The following CDH4 variants were observed in gnomAD, a reference collection of about 807,000 sequenced individuals.
CDH4 encodes cadherin 4, also known as cadherin-4.
Under a neutral mutation model 86.0 loss-of-function variants are expected in CDH4, and 33 were observed. The ratio of observed to expected loss-of-function variants is 0.38; its 90% CI spans 0.29 to 0.51. CDH4 has a LOEUF of 0.51. CDH4 is among the 20% of genes least tolerant of loss of function. CDH4 has a pLI of 0.86. For missense variants in CDH4, 1,114 were observed against 1,307.4 expected, an observed-to-expected ratio of 0.85 and a Z score of 2.28; for synonymous variants, 555 against 549.4, an observed-to-expected ratio of 1.01 and a Z score of -0.14.
At chr20:61,693,884 C>CTTTTTTTTTTTTT (rs11479778) in intron 2 of CDH4, among the ~76,000 whole-genome samples, 2 of 82,700 alleles carry the variant, frequency 2.4e-5, no homozygotes, top group Non-Finnish European at 2.2e-5. Context: ...CTCTTTCTTT[C>CTTTTTTTTTTTTT]TTTTTTTTTT....
intron 2 of CDH4, among the ~76,000 whole-genome samples, chr20:61,613,860 G>T (rs1466807520): frequency 6.6e-6 from 1 of 151,878 alleles, no homozygotes; most frequent in Non-Finnish European, 1.5e-5. Flanking sequence ...GTGGGAGGGG[G>T]GGCTTTGGGG....
At chr20:61,453,848 G>C (rs942780540) in intron 2 of CDH4, among the ~76,000 whole-genome samples, 1 of 152,206 alleles carries the variant, frequency 6.6e-6, no homozygotes, top group Non-Finnish European at 1.5e-5. Context: ...CATGGGGGCA[G>C]TGACCCTCAT....
intron 2 of CDH4, among the ~76,000 whole-genome samples, chr20:61,618,529 G>A (rs551526356): frequency 6.6e-6 from 1 of 152,188 alleles, no homozygotes; most frequent in Non-Finnish European, 1.5e-5. Context: ...GTTGCTGCCT[G>A]GGAATGGGAC....
chr20:61,426,861 A>G (rs947886578), intron 2 of CDH4, among the ~76,000 whole-genome samples: 9 of 152,200 alleles, frequency 5.9e-5, no homozygotes, highest in Non-Finnish European at 1.0e-4. Context: ...CAAAATGAAG[A>G]TGTTCTTCTA....
intron 2 of CDH4, among the ~76,000 whole-genome samples, chr20:61,296,839 G>A (rs1193828997): frequency 6.6e-6 from 1 of 152,144 alleles, no homozygotes; most frequent in Non-Finnish European, 1.5e-5. Flanking sequence ...TGGGCAGGTG[G>A]CGTCAGGTGG....
chr20:61,397,838 G>T (rs1220673897), intron 2 of CDH4, among the ~76,000 whole-genome samples: 1 of 152,174 alleles, frequency 6.6e-6, no homozygotes, highest in Non-Finnish European at 1.5e-5. Flanking sequence ...ATTCCCATGT[G>T]CCCTGAAGTC....
intron 2 of CDH4, among the ~76,000 whole-genome samples, chr20:61,440,986 G>A (rs1013970973): frequency 4.6e-5 from 7 of 152,216 alleles, no homozygotes; most frequent in East Asian, 1.9e-4. Context: ...GATCTGAGCC[G>A]GAAGTTTCTT....
intron 2 of CDH4, among the ~76,000 whole-genome samples, chr20:61,547,171 G>GT (rs1347109506): frequency 7.0e-6 from 1 of 143,140 alleles, no homozygotes; most frequent in Non-Finnish European, 1.5e-5. Flanking sequence ...ACTGGATTCA[G>GT]TCTCTCACAT....
At chr20:61,307,681 A>C (rs989198375) in intron 2 of CDH4, among the ~76,000 whole-genome samples, 1 of 152,200 alleles carries the variant, frequency 6.6e-6, no homozygotes, top group Non-Finnish European at 1.5e-5. Flanking sequence ...GGGAAACTAC[A>C]TCAGGAAGAG....
At chr20:61,293,694 G>A (rs2084335895) in intron 2 of CDH4, among the ~76,000 whole-genome samples, 1 of 152,328 alleles carries the variant, frequency 6.6e-6, no homozygotes, top group Non-Finnish European at 1.5e-5. Flanking sequence ...AATGAGCACA[G>A]CACCTCTTGG....
chr20:61,668,132 C>T (rs188189326), intron 2 of CDH4, among the ~76,000 whole-genome samples: 1 of 152,210 alleles, frequency 6.6e-6, no homozygotes, highest in African/African-American at 2.4e-5. Context: ...GAAGAAAAGC[C>T]CTATTCTCCT....
intron 2 of CDH4, among the ~76,000 whole-genome samples, chr20:61,390,990 T>C (rs2084982223): frequency 6.6e-6 from 1 of 152,228 alleles, no homozygotes; most frequent in Non-Finnish European, 1.5e-5. Flanking sequence ...AAAGAGATAT[T>C]CTTCACTAAT....
chr20:61,385,774 G>A (rs2084947549), intron 2 of CDH4, among the ~76,000 whole-genome samples: 1 of 152,134 alleles, frequency 6.6e-6, no homozygotes, highest in African/African-American at 2.4e-5. Context: ...TCTCTTCGTG[G>A]GAGAAGCCGT....
chr20:61,782,012 A>G (rs1378191193), intron 4 of CDH4, among the ~76,000 whole-genome samples: 1 of 152,224 alleles, frequency 6.6e-6, no homozygotes, highest in African/African-American at 2.4e-5. Context: ...ATATCCTTCA[A>G]AAATGAAGGT....
chr20:61,822,304 G>C (rs1981085794), intron 4 of CDH4, among the ~76,000 whole-genome samples: 1 of 152,164 alleles, frequency 6.6e-6, no homozygotes, highest in Non-Finnish European at 1.5e-5. Context: ...TTGTGGGTGA[G>C]TATGATTATC....
intron 2 of CDH4, among the ~76,000 whole-genome samples, chr20:61,691,287 A>C (rs772967137): frequency 2.6e-5 from 4 of 151,730 alleles, no homozygotes; most frequent in Non-Finnish European, 5.9e-5. Context: ...GTGCGTGTGC[A>C]TATGTGTGTG....
intron 2 of CDH4, among the ~76,000 whole-genome samples, chr20:61,437,737 A>G (rs2085292540): frequency 6.6e-6 from 1 of 152,162 alleles, no homozygotes; most frequent in Non-Finnish European, 1.5e-5. Flanking sequence ...AAAAGGACTT[A>G]GGTCGCTGGG....
At chr20:61,273,681 A>G (rs540244513) in intron 2 of CDH4, among the ~76,000 whole-genome samples, 30 of 131,556 alleles carry the variant, frequency 2.3e-4, no homozygotes, top group African/African-American at 8.8e-4. Context: ...TACTGTGTGC[A>G]GTTTGGGGGA....
At chr20:61,666,173 C>T (rs2087321959) in intron 2 of CDH4, among the ~76,000 whole-genome samples, 1 of 152,192 alleles carries the variant, frequency 6.6e-6, no homozygotes, top group East Asian at 1.9e-4. Flanking sequence ...CATCGTCAGG[C>T]TATTCTTGAT....
Sources: allele counts gnomAD v4.1 joint callset (sites outside exome capture counted in the v4.1 genomes callset), GRCh38; gene constraint gnomAD v4.1.1; transcripts MANE v1.5; gene names NCBI Gene and HGNC (gene_info 2026-07-23, HGNC 2026-07-21).